The following CADPS2 variants were observed in gnomAD, a reference collection of about 807,000 sequenced individuals.
CADPS2 encodes the protein calcium-dependent secretion activator 2.
In CADPS2, 93 loss-of-function variants were observed where a neutral mutation model predicts 172.5. That is an observed-to-expected ratio of 0.54 (90% CI 0.46 to 0.64). CADPS2 has a LOEUF of 0.64. Among genes scored for constraint, CADPS2 ranks in the 30% least tolerant of loss-of-function variants. The probability of loss-of-function intolerance (pLI) is 0.00; values close to 1 mark genes in which losing one functional copy is unlikely to be tolerated. For synonymous variants in CADPS2, 546 were observed against 555.2 expected, an observed-to-expected ratio of 0.98 and a Z score of 0.23; for missense variants, 1,420 against 1,565.9, an observed-to-expected ratio of 0.91 and a Z score of 1.57.
intron 25 of CADPS2, among the ~76,000 whole-genome samples, chr7:122,377,525 G>C (rs918408662): frequency 1.5e-4 from 23 of 152,174 alleles, no homozygotes; most frequent in African/African-American, 5.3e-4. Context: ...GGCAACTTCC[G>C]CATGAGGACT....
chr7:122,663,161 C>G (rs1427604903), intron 3 of CADPS2, 76 bp downstream of exon 3: 3 of 1,092,362 alleles, frequency 2.7e-6, no homozygotes, highest in Non-Finnish European at 3.9e-6. Context: ...TAAAGGACAT[C>G]TTCATAGGCT....
intron 11 of CADPS2, 106 bp downstream of exon 11, chr7:122,489,975 G>A: frequency 1.1e-6 from 1 of 904,090 alleles, no homozygotes. Context: ...CATTTAATTA[G>A]GAATCAATTA....
At chr7:122,570,825 T>C (rs1292504550) in intron 7 of CADPS2, among the ~76,000 whole-genome samples, 4 of 151,974 alleles carry the variant, frequency 2.6e-5, no homozygotes, top group African/African-American at 4.8e-5. Flanking sequence ...TAGATGGGAA[T>C]TGAACAATGA....
At chr7:122,441,847 C>A (rs1020854497) in intron 15 of CADPS2, among the ~76,000 whole-genome samples, 12 of 152,134 alleles carry the variant, frequency 7.9e-5, no homozygotes, top group Admixed American at 4.6e-4. Context: ...AATAAAAGAA[C>A]CTCAAGGGTC....
intron 8 of CADPS2, among the ~76,000 whole-genome samples, chr7:122,539,278 C>A (rs1460758728): frequency 6.6e-6 from 1 of 152,088 alleles, no homozygotes; most frequent in Non-Finnish European, 1.5e-5. Flanking sequence ...TTCAGCCCCC[C>A]TCTCTCTTTG....
chr7:122,662,226 A>G (rs577156124), intron 3 of CADPS2, among the ~76,000 whole-genome samples: 3 of 152,328 alleles, frequency 2.0e-5, no homozygotes, highest in South Asian at 4.1e-4. Flanking sequence ...AATTTTATCA[A>G]TTTAAGTTTT....
chr7:122,648,860 C>T (rs140872138), intron 3 of CADPS2, among the ~76,000 whole-genome samples: 1 of 152,166 alleles, frequency 6.6e-6, no homozygotes, highest in East Asian at 1.9e-4. Context: ...TAAAACCAGG[C>T]CCACAAGCAA....
intron 28 of CADPS2, among the ~76,000 whole-genome samples, chr7:122,342,968 T>C (rs2037006152): frequency 6.6e-6 from 1 of 152,194 alleles, no homozygotes; most frequent in Non-Finnish European, 1.5e-5. Context: ...TCCAGCCAAG[T>C]GGATTTCCAA....
At chr7:122,523,094 G>T (rs1021884427) in intron 8 of CADPS2, among the ~76,000 whole-genome samples, 1 of 152,074 alleles carries the variant, frequency 6.6e-6, no homozygotes, top group African/African-American at 2.4e-5. Flanking sequence ...AGACATTAGT[G>T]GGATTGTTGG....
intron 7 of CADPS2, among the ~76,000 whole-genome samples, chr7:122,569,440 A>G (rs1294647209): frequency 6.6e-6 from 1 of 152,006 alleles, no homozygotes; most frequent in Non-Finnish European, 1.5e-5. Context: ...CAATACCGTG[A>G]AAATGGCCAT....
At chr7:122,519,829 G>T (rs763534939) in intron 8 of CADPS2, among the ~76,000 whole-genome samples, 13 of 151,428 alleles carry the variant, frequency 8.6e-5, no homozygotes, top group Non-Finnish European at 1.3e-4. Context: ...AAAGTTAAGA[G>T]AAAACATTTT....
At chr7:122,828,942 C>T (rs1208682742) in intron 1 of CADPS2, among the ~76,000 whole-genome samples, 1 of 152,172 alleles carries the variant, frequency 6.6e-6, no homozygotes, top group Non-Finnish European at 1.5e-5. Context: ...AGCTGCCTCA[C>T]CTTCTTACCA....
At position 122,438,383 on chromosome 7, in the gene CADPS2, A is replaced by G; in HGVS notation, c.2434T>C (p.Leu812=). 6.2e-7 allele frequency: 1 copy of G among 1,613,254 alleles called. No homozygotes were observed. The highest frequency in any genetic ancestry group is 8.5e-7 in the Non-Finnish European group (1 of 1,179,386). The change falls in exon 17 of 30, where the codon TTG becomes CTG. Residue 812 remains leucine, a synonymous_variant. Transcript: ENST00000449022. ...VVRKCLEKAA[L]INYTRLTEYA... Reference sequence around the variant, plus strand: ...TCTGTGAGTCTAGTGTAATTGATCAAGGCAGCTTTCTCGAGACATTTTCTG... The same window carrying G: ...TCTGTGAGTCTAGTGTAATTGATCAGGGCAGCTTTCTCGAGACATTTTCTG...
chr7:122,743,920 T>G (rs2092608775), intron 1 of CADPS2, among the ~76,000 whole-genome samples: 1 of 152,186 alleles, frequency 6.6e-6, no homozygotes, highest in African/African-American at 2.4e-5. Context: ...TCATACATTA[T>G]AAACCCTGTG....
chr7:122,399,660 C>CTTTTTTTTTTTTTTTTTTT lies in CADPS2; in HGVS notation c.2747-6097_2747-6079dup, dbSNP rs1008163151. 2.3e-4 allele frequency among the ~76,000 whole-genome samples: 12 copies of CTTTTTTTTTTTTTTTTTTT among 51,228 alleles called. 1 individual carries two copies. Among genetic ancestry groups the CTTTTTTTTTTTTTTTTTTT allele is most frequent in the Non-Finnish European group, 3.3e-4 (9 of 27,068 alleles). 33.6% of individuals were successfully genotyped at this position (51,228 alleles called of 152,430 possible). A position where few individuals can be genotyped will look rare whatever the true frequency, so the allele number is the denominator to read the frequency against. On this transcript the variant is annotated intron_variant, in intron 20 of 29. Transcript: ENST00000449022. ...CGATAACTCTCTCAAGGGTGGGTTT[C>CTTTTTTTTTTTTTTTTTTT]TTTTTTTTTTTTTTTTTTTTTTTTT...
intron 1 of CADPS2, among the ~76,000 whole-genome samples, chr7:122,814,802 C>T (rs1363680821): frequency 1.3e-5 from 2 of 152,008 alleles, no homozygotes; most frequent in South Asian, 2.1e-4. Flanking sequence ...AACAGCATTT[C>T]GCTATTTTAT....
At chr7:122,335,571 G>A (rs186520177) in intron 28 of CADPS2, among the ~76,000 whole-genome samples, 1 of 152,236 alleles carries the variant, frequency 6.6e-6, no homozygotes, top group African/African-American at 2.4e-5. Context: ...GGGAATATAT[G>A]GAACTATAGA....
chr7:122,665,289 C>T (rs993574013), intron 2 of CADPS2, among the ~76,000 whole-genome samples: 1 of 152,172 alleles, frequency 6.6e-6, no homozygotes, highest in African/African-American at 2.4e-5. Flanking sequence ...CCTTTTCCCA[C>T]CACTTTAGTT....
intron 1 of CADPS2, among the ~76,000 whole-genome samples, chr7:122,885,373 C>T (rs1001627115): frequency 5.9e-5 from 9 of 151,656 alleles, no homozygotes; most frequent in African/African-American, 2.2e-4. Flanking sequence ...ATCAGGCCTG[C>T]CCAGACCAGA....
Sources: gnomAD v4.1 joint callset for allele counts (sites outside exome capture counted in the v4.1 genomes callset) on GRCh38, gnomAD v4.1.1 for gene constraint, MANE v1.5 for transcripts, NCBI Gene and HGNC (gene_info 2026-07-23, HGNC 2026-07-21) for gene names.